Variants in POU2F1 observed in about 807,000 individuals in gnomAD.
POU2F1 encodes the protein POU domain, class 2, transcription factor 1.
POU2F1 carries 16 observed loss-of-function variants against 84.9 expected under a neutral mutation model. The ratio of observed to expected loss-of-function variants is 0.19; its 90% confidence interval spans 0.13 to 0.29. The LOEUF is 0.29. POU2F1 is among the 10% of genes least tolerant of loss of function. POU2F1 has a pLI of 1.00. For missense variants in POU2F1, 738 were observed against 942.6 expected, an observed-to-expected ratio of 0.78 and a Z score of 2.84; for synonymous variants, 368 against 368.3, an observed-to-expected ratio of 1.00 and a Z score of 0.01.
intron 7 of POU2F1, among the ~76,000 whole-genome samples, chr1:167,382,904 A>G (rs1333005080): frequency 1.3e-5 from 2 of 152,200 alleles, no homozygotes; most frequent in South Asian, 2.1e-4. Flanking sequence ...TTCTATGGCT[A>G]ATCTCTGGCA....
intron 13 of POU2F1, among the ~76,000 whole-genome samples, chr1:167,405,796 A>T (rs1649533114): frequency 6.6e-6 from 1 of 152,212 alleles, no homozygotes; most frequent in Non-Finnish European, 1.5e-5. Context: ...CAGAAAACAC[A>T]TCCTTTTTAT....
intron 2 of POU2F1, among the ~76,000 whole-genome samples, chr1:167,350,437 A>G (rs1658478935): frequency 6.6e-6 from 1 of 152,214 alleles, no homozygotes; most frequent in South Asian, 2.1e-4. Flanking sequence ...TCTGATACTT[A>G]GTCTGAGACC....
chr1:167,301,335 T>A (rs1173241991), intron 1 of POU2F1, among the ~76,000 whole-genome samples: 1 of 152,262 alleles, frequency 6.6e-6, no homozygotes, highest in Non-Finnish European at 1.5e-5. Flanking sequence ...GCTGTTGGGC[T>A]GAAAGCCACT....
At chr1:167,292,147 C>A (rs1653969472) in intron 1 of POU2F1, among the ~76,000 whole-genome samples, 1 of 151,866 alleles carries the variant, frequency 6.6e-6, no homozygotes, top group Admixed American at 6.6e-5. Flanking sequence ...GTTGATAATG[C>A]TTTTTTGACT....
chr1:167,400,946 G>A (rs961712142), intron 12 of POU2F1, among the ~76,000 whole-genome samples: 4 of 152,148 alleles, frequency 2.6e-5, no homozygotes, highest in African/African-American at 7.2e-5. Context: ...GTTTTGTAAA[G>A]GTGATGTTTG....
intron 1 of POU2F1, among the ~76,000 whole-genome samples, chr1:167,252,502 C>G (rs1650807391): frequency 6.6e-6 from 1 of 152,172 alleles, no homozygotes; most frequent in African/African-American, 2.4e-5. Flanking sequence ...CCGCGCCCGG[C>G]CTGAATCTGT....
At chr1:167,298,849 T>C (rs546600646) in intron 1 of POU2F1, among the ~76,000 whole-genome samples, 15 of 152,294 alleles carry the variant, frequency 9.8e-5, no homozygotes, top group Admixed American at 5.9e-4. Flanking sequence ...ATCAGTTTCT[T>C]CGAAGTGCTG....
At chr1:167,282,511 T>G (rs1383401143) in intron 1 of POU2F1, among the ~76,000 whole-genome samples, 1 of 152,238 alleles carries the variant, frequency 6.6e-6, no homozygotes, top group Non-Finnish European at 1.5e-5. Context: ...CTTTAAGGAC[T>G]AACTTTAAGA....
At chr1:167,364,122 T>A (rs1659513485) in intron 2 of POU2F1, among the ~76,000 whole-genome samples, 1 of 152,250 alleles carries the variant, frequency 6.6e-6, no homozygotes, top group South Asian at 2.1e-4. Context: ...TTTAAAATAA[T>A]AACTGGATAT....
intron 13 of POU2F1, among the ~76,000 whole-genome samples, chr1:167,406,222 C>T (rs2101929866): frequency 6.6e-6 from 1 of 152,208 alleles, no homozygotes; most frequent in East Asian, 1.9e-4. Flanking sequence ...ATGGTTAGTA[C>T]AATAACTGAA....
chr1:167,415,160 A>G lies in POU2F1; in HGVS notation c.1991-340A>G, dbSNP rs140676328. Among the ~76,000 whole-genome samples the G allele has an allele frequency of 2.9e-3, 441 of 152,352 alleles. 4 individuals carry two copies. The highest frequency in any genetic ancestry group is 0.01 in the African/African-American group (422 of 41,580). On this transcript the variant is annotated intron_variant, in intron 15 of 15. Transcript: ENST00000367866. The stretch of plus-strand genomic sequence containing the variant: ...AAATCAGCAGTCTTCATTAAAGACA[A>G]AATTATTGGATTTATCAAATATGTC...
intron 8 of POU2F1, chr1:167,387,116 G>T: frequency 2.2e-6 from 1 of 455,678 alleles, no homozygotes; most frequent in Non-Finnish European, 4.4e-6. Flanking sequence ...CTCTGCATAT[G>T]GTGGCAGGGC....
intron 1 of POU2F1, among the ~76,000 whole-genome samples, chr1:167,317,695 G>A (rs1656010012): frequency 1.3e-5 from 2 of 152,194 alleles, no homozygotes; most frequent in Non-Finnish European, 2.9e-5. Flanking sequence ...TCCTGGGTGG[G>A]CCAGGTGTTC....
At position 167,396,462 on chromosome 1, in the gene POU2F1, A is replaced by T. The variant is rs747044969; in HGVS notation, c.1129+35A>T. 3 of 1,591,708 alleles carry T rather than the reference A, an allele frequency of 1.9e-6. No homozygotes were observed. The South Asian group carries it at 3.4e-5, about 18-fold the overall frequency. ...TGTATAAGACATTTCTTTGTCATTCATTGGAATTTTACATGGGGATTGTTA... is the reference window on the plus strand; with the variant it reads ...TGTATAAGACATTTCTTTGTCATTCTTTGGAATTTTACATGGGGATTGTTA... On this transcript the variant is annotated intron_variant, in intron 10 of 15. Coordinates refer to ENST00000367866, the MANE Select transcript of POU2F1 (RefSeq NM_002697.4).
chr1:167,323,493 G>C (rs554651474), intron 1 of POU2F1, among the ~76,000 whole-genome samples: 2 of 152,146 alleles, frequency 1.3e-5, no homozygotes, highest in Non-Finnish European at 2.9e-5. Flanking sequence ...AGCTTTCTCA[G>C]TGAGCCACCA....
chr1:167,285,257 T>C (rs1486189591), intron 1 of POU2F1, among the ~76,000 whole-genome samples: 2 of 152,182 alleles, frequency 1.3e-5, no homozygotes, highest in South Asian at 2.1e-4. Flanking sequence ...ATGGAGGGTG[T>C]TGAGTAAATG....
chr1:167,276,654 A>G (rs929991284), intron 1 of POU2F1, among the ~76,000 whole-genome samples: 1 of 152,202 alleles, frequency 6.6e-6, no homozygotes, highest in African/African-American at 2.4e-5. Flanking sequence ...TCATATAAGT[A>G]AAAGCAATTA....
chr1:167,329,182 A>T, intron 1 of POU2F1: 2 of 1,506,510 alleles, frequency 1.3e-6, no homozygotes, highest in Non-Finnish European at 1.8e-6. Flanking sequence ...CATACTGTAG[A>T]TTTGTTAGAA....
chr1:167,298,819 C>G (rs1279695765), intron 1 of POU2F1, among the ~76,000 whole-genome samples: 2 of 152,102 alleles, frequency 1.3e-5, no homozygotes, highest in African/African-American at 4.8e-5. Flanking sequence ...TGTCTCTGGT[C>G]ACTTTAATGT....
Sources: allele counts gnomAD v4.1 joint callset (sites outside exome capture counted in the v4.1 genomes callset), GRCh38; gene constraint gnomAD v4.1.1; transcripts MANE v1.5; gene names NCBI Gene and HGNC (gene_info 2026-07-23, HGNC 2026-07-21).